CR1: variants seen among roughly 807,000 people sequenced by gnomAD.
CR1 encodes the protein complement C3b/C4b receptor 1 (Knops blood group).
CR1 carries 116 observed loss-of-function variants against 187.3 expected under a neutral mutation model. The ratio of observed to expected loss-of-function variants is 0.62; its 90% CI spans 0.53 to 0.72. The LOEUF (loss-of-function observed/expected upper bound fraction) is 0.72. CR1 is among the 30% of genes least tolerant of loss of function. The pLI, the probability that CR1 is intolerant of heterozygous loss-of-function variation, is 0.00. For synonymous variants in CR1, 576 were observed against 747.1 expected, an observed-to-expected ratio of 0.77 and a Z score of 3.73; for missense variants, 1,731 against 2,110.7, an observed-to-expected ratio of 0.82 and a Z score of 3.52.
Position 207,584,784 on chromosome 1 carries a change from T to G in CR1, c.5438T>G (p.Ile1813Ser), listed in dbSNP as rs199598381. Residue 1813 changes from isoleucine (I) to serine (S), a missense_variant, in exon 33 of 47, where the codon ATT (isoleucine) becomes AGT (serine). Physicochemically the swap from Ile to Ser is moderately radical, Grantham distance 142 (BLOSUM62 -2). Around this residue, in one of 5 missense-constraint regions of CR1, gnomAD observed 1,312 missense variants for 1,379.6 expected, o/e 0.95. Coordinates refer to ENST00000367049, the MANE Select transcript of CR1 (RefSeq NM_000651.6). ...HPDRGMTFNLIGESTIRCTSD... is the reference protein window; with the variant it reads ...HPDRGMTFNLSGESTIRCTSD... ...GACAGAGGGATGACCTTCAACCTCA[T>G]TGGGGAGAGCACCATCCGCTGCACA... The G allele has an allele frequency of 6.2e-7, 1 of 1,613,838 alleles. No homozygotes were observed. Among genetic ancestry groups the G allele is most frequent in the East Asian group, 2.2e-5 (1 of 44,872 alleles).
chr1:207,626,811 G>A (rs1662492592), intron 45 of CR1, among the ~76,000 whole-genome samples: 2 of 152,212 alleles, frequency 1.3e-5, no homozygotes, highest in South Asian at 4.1e-4. Context: ...GCTGAGGCGG[G>A]TGGGTCACCT....
intron 4 of CR1, among the ~76,000 whole-genome samples, chr1:207,515,332 T>G (rs1027740650): frequency 4.7e-5 from 7 of 150,304 alleles, no homozygotes; most frequent in African/African-American, 1.7e-4. Context: ...ATATATAGTG[T>G]GTATATATGC....
intron 35 of CR1, among the ~76,000 whole-genome samples, chr1:207,595,868 C>G (rs574114141): frequency 6.6e-6 from 1 of 151,304 alleles, no homozygotes; most frequent in East Asian, 1.9e-4. Context: ...AAAGATAATT[C>G]ATGTAATATG....
chr1:207,639,313 T>C lies in CR1; in HGVS notation c.7458-84T>C, dbSNP rs1662909167. ...ATTGTGGAATAAAGTTTAGAAAATATCCAAAGCTTATCAGCCTGTAAATTC... is the reference window on the plus strand; with the variant it reads ...ATTGTGGAATAAAGTTTAGAAAATACCCAAAGCTTATCAGCCTGTAAATTC... On this transcript the variant is annotated intron_variant, in intron 46 of 46. Transcript: ENST00000367049. 1.1e-5 allele frequency: 14 copies of C among 1,306,044 alleles called. No homozygotes were observed. The Middle Eastern group carries it at 1.1e-3, about 102-fold the overall frequency. 80.9% of individuals were successfully genotyped at this position (1,306,044 alleles called of 1,614,324 possible).
intron 35 of CR1, chr1:207,606,096 C>T (rs1661742827): frequency 3.9e-5 from 6 of 152,224 alleles, no homozygotes; most frequent in Admixed American, 3.3e-4. Flanking sequence ...TACGATGACT[C>T]CATAATCCAC....
chr1:207,525,761 G>A (rs967771269), intron 5 of CR1, among the ~76,000 whole-genome samples: 6 of 151,978 alleles, frequency 3.9e-5, no homozygotes, highest in African/African-American at 1.5e-4. Context: ...AACCAGCACA[G>A]CACCTCAATA....
At chr1:207,585,260 T>C (rs1022731002) in intron 33 of CR1, among the ~76,000 whole-genome samples, 4 of 152,204 alleles carry the variant, frequency 2.6e-5, no homozygotes, top group Non-Finnish European at 5.9e-5. Flanking sequence ...TCATGAGGGG[T>C]ACATGGGCAT....
rs752493982 is a variant in CR1, at chr1:207,607,260, C to G, written c.5820C>G (p.Leu1940=). The change falls in exon 36 of 47, where the codon CTC becomes CTG. Residue 1940 remains leucine (L), a synonymous_variant. Transcript: ENST00000367049. ...VNYSCNEGFR[L]IGSPSTTCLV... ...CTATCCTTTGCTTTAGGTTTCGACT[C>G]ATTGGTTCCCCATCTACTACTTGTC... 1 of 1,613,162 alleles carries G rather than the reference C, an allele frequency of 6.2e-7. No individual in the cohort carries two copies. Among genetic ancestry groups the G allele is most frequent in the East Asian group, 2.2e-5 (1 of 44,856 alleles).
Position 207,575,067 on chromosome 1 carries a change from A to T in CR1, c.4452-528A>T, listed in dbSNP as rs557240095. 1.4e-4 allele frequency among the ~76,000 whole-genome samples: 22 copies of T among 152,346 alleles called. No individual in the cohort carries two copies. In the South Asian group the frequency reaches 4.4e-3, roughly 30 times the overall value. ...GCAGTGAAAGAATGATGATGAAAGCAAATCAAATGTATCATTTATCTCAAT... is the reference window on the plus strand; with the variant it reads ...GCAGTGAAAGAATGATGATGAAAGCTAATCAAATGTATCATTTATCTCAAT... On this transcript the variant is annotated intron_variant, in intron 27 of 46. Coordinates refer to ENST00000367049, the MANE Select transcript of CR1 (RefSeq NM_000651.6).
Position 207,611,956 on chromosome 1 carries a change from T to C in CR1, c.6490T>C (p.Phe2164Leu), listed in dbSNP as rs1375084004. 1.2e-6 allele frequency: 2 copies of C among 1,613,938 alleles called. No homozygotes were observed. Among genetic ancestry groups the C allele is most frequent in the Non-Finnish European group, 1.7e-6 (2 of 1,179,914 alleles). ...TCTTCTAGTGAAATCCTGTGATGAC[T>C]TCCTGGGCCAACTCCCTCATGGCCG... ...PRCTVKSCDD[F>L]LGQLPHGRVL... Residue 2164 changes from phenylalanine (F) to leucine (L), a missense_variant, in exon 39 of 47, where the codon TTC (phenylalanine) becomes CTC (leucine). Physicochemically the swap from Phe to Leu is conservative, Grantham distance 22 (BLOSUM62 0). Transcript: ENST00000367049.
At chr1:207,496,860 C>T (rs1386001130) in intron 1 of CR1, among the ~76,000 whole-genome samples, 4 of 152,202 alleles carry the variant, frequency 2.6e-5, no homozygotes, top group African/African-American at 9.7e-5. Flanking sequence ...ATCTCTGCAT[C>T]GTGGAGTTGC....
At chr1:207,618,785 C>T (rs1351774889) in intron 42 of CR1, among the ~76,000 whole-genome samples, 2 of 152,088 alleles carry the variant, frequency 1.3e-5, no homozygotes, top group Non-Finnish European at 2.9e-5. Flanking sequence ...GTGGCTCACA[C>T]CTGTAATCCC....
chr1:207,508,625 C>A (rs1659520922), intron 3 of CR1, among the ~76,000 whole-genome samples: 1 of 151,994 alleles, frequency 6.6e-6, no homozygotes, highest in Admixed American at 6.6e-5. Context: ...TATTGTTTTG[C>A]AAAATGTTAT....
Position 207,584,783 on chromosome 1 carries a change from A to G in CR1, c.5437A>G (p.Ile1813Val), listed in dbSNP as rs766599172. 6.2e-7 allele frequency: 1 copy of G among 1,613,914 alleles called. No individual in the cohort carries two copies. The highest frequency in any genetic ancestry group is 1.1e-5 in the South Asian group (1 of 91,064). ...AGACAGAGGGATGACCTTCAACCTCATTGGGGAGAGCACCATCCGCTGCAC... is the reference window on the plus strand; with the variant it reads ...AGACAGAGGGATGACCTTCAACCTCGTTGGGGAGAGCACCATCCGCTGCAC... The part of the protein sequence containing the change: ...HPDRGMTFNL[I>V]GESTIRCTSD... Residue 1813 changes from isoleucine (I) to valine (V), a missense_variant, in exon 33 of 47, where the codon ATT becomes GTT. Transcript: ENST00000367049.
intron 5 of CR1, among the ~76,000 whole-genome samples, chr1:207,524,742 A>T (rs138155833): frequency 0.014 from 2,164 of 151,976 alleles, 27 homozygotes; most frequent in Non-Finnish European, 0.022. Flanking sequence ...ATTCTGAGAC[A>T]GTAACTTGCA....
chr1:207,613,689 G>A (rs1319744843), intron 39 of CR1, among the ~76,000 whole-genome samples: 1 of 152,020 alleles, frequency 6.6e-6, no homozygotes, highest in Non-Finnish European at 1.5e-5. Context: ...ACTAGATTGG[G>A]CAATTAAGCA....
At chr1:207,617,608 T>G (rs1326879427) in intron 41 of CR1, among the ~76,000 whole-genome samples, 6 of 12,230 alleles carry the variant, frequency 4.9e-4, no homozygotes, top group East Asian at 2.9e-3. Flanking sequence ...TATATATATA[T>G]ATATAGAGAG....
chr1:207,637,800 G>A (rs188347885), intron 46 of CR1, among the ~76,000 whole-genome samples: 39 of 152,242 alleles, frequency 2.6e-4, no homozygotes, highest in African/African-American at 7.0e-4. Flanking sequence ...CCGCGGTGGC[G>A]CTTTTCTTTG....
chr1:207,566,180 A>C (rs1410403193), intron 24 of CR1, among the ~76,000 whole-genome samples: 1 of 150,076 alleles, frequency 6.7e-6, no homozygotes, highest in Non-Finnish European at 1.5e-5. Context: ...AGGTCAGGAG[A>C]GATTAGATAA....
Sources: gnomAD v4.1 joint callset for allele counts (sites outside exome capture counted in the v4.1 genomes callset) on GRCh38, gnomAD v4.1.1 for gene constraint, gnomAD v4.1.1 regional missense constraint, MANE v1.5 for transcripts, NCBI Gene and HGNC (gene_info 2026-07-23, HGNC 2026-07-21) for gene names.